Variants in MPHOSPH9 observed in about 807,000 individuals in gnomAD.
The protein encoded by MPHOSPH9 is M-phase phosphoprotein 9.
MPHOSPH9 carries 88 observed loss-of-function variants against 145.5 expected under a neutral mutation model. That is an observed-to-expected ratio of 0.60 (90% CI 0.51 to 0.72). The LOEUF is 0.72. Ranked by LOEUF, MPHOSPH9 falls within the 30% of genes least tolerant of loss-of-function variation. The pLI is 0.00. For missense variants in MPHOSPH9, 1,238 were observed against 1,386.6 expected (o/e 0.89, Z 1.70); for synonymous variants, 435 against 486.2 (o/e 0.89, Z 1.39).
At chr12:123,225,582 A>G (rs1021727298) in intron 3 of MPHOSPH9, among the ~76,000 whole-genome samples, 1 of 151,282 alleles carries the variant, frequency 6.6e-6, no homozygotes, top group Non-Finnish European at 1.5e-5. Context: ...TGGGGCAGGG[A>G]ATATATTCTG....
intron 15 of MPHOSPH9, among the ~76,000 whole-genome samples, chr12:123,177,158 G>A (rs1013876064): frequency 2.0e-5 from 3 of 151,534 alleles, no homozygotes; most frequent in Admixed American, 6.6e-5. Flanking sequence ...CCAGCCTGGC[G>A]ACAGAGTGAG....
chr12:123,233,237 C>G (rs879423728), upstream of MPHOSPH9: 1 of 152,326 alleles, frequency 6.6e-6, no homozygotes, highest in African/African-American at 2.4e-5. Flanking sequence ...GCCGTTCCCC[C>G]TCGCGCAGCT....
chr12:123,191,408 A>G (rs1487645220), intron 13 of MPHOSPH9, among the ~76,000 whole-genome samples: 1 of 152,230 alleles, frequency 6.6e-6, no homozygotes, highest in Non-Finnish European at 1.5e-5. Context: ...CTCCTGCCTC[A>G]GCACCCTGAG....
In MPHOSPH9 at chr12:123,177,825, C is replaced by T. The variant is rs1422503153; in HGVS notation, c.2355-1036G>A. On this transcript the variant is annotated intron_variant, in intron 15 of 23. Transcript: ENST00000606320. ...ACAAACAAGGAAGCAGGCTTAACTT[C>T]CAAAAACAGAACTTTTACCAAAAAA... 2.0e-5 allele frequency among the ~76,000 whole-genome samples: 3 copies of T among 150,524 alleles called. No individual in the cohort carries two copies. The Admixed American group carries it at 2.0e-4, about 10-fold the overall frequency.
intron 23 of MPHOSPH9, chr12:123,160,502 G>A (rs910767863): frequency 1.1e-5 from 4 of 363,178 alleles, no homozygotes; most frequent in Non-Finnish European, 1.5e-5. Context: ...CTGTTGAAAA[G>A]CATATTGCCA....
intron 16 of MPHOSPH9, 97 bp from the exon 17 acceptor site, chr12:123,166,886 C>CAAA: frequency 8.3e-7 from 1 of 1,202,574 alleles, no homozygotes; most frequent in South Asian, 1.8e-5. Context: ...AGTATTTACA[C>CAAA]ATTTGTACAC....
intron 8 of MPHOSPH9, among the ~76,000 whole-genome samples, chr12:123,206,166 T>C (rs2046419452): frequency 6.6e-6 from 1 of 151,714 alleles, no homozygotes. Context: ...GAGAGAGAAA[T>C]GGCCAGGCAT....
intron 15 of MPHOSPH9, among the ~76,000 whole-genome samples, chr12:123,179,716 T>TG (rs545692758): frequency 7.8e-6 from 1 of 128,764 alleles, no homozygotes; most frequent in South Asian, 2.6e-4. Flanking sequence ...CCTGTCTCTT[T>TG]AAAAAAAAAA....
rs772163785 is a variant in MPHOSPH9, at chr12:123,203,386, C to T, written c.1195-11G>A. ...ATTACTAGTATTAGACTTAAAGATACGAAACAAAATTAAATGGTGTTATCA... is the reference window on the plus strand; with the variant it reads ...ATTACTAGTATTAGACTTAAAGATATGAAACAAAATTAAATGGTGTTATCA... On this transcript the variant is annotated splice_polypyrimidine_tract_variant and intron_variant, in intron 8 of 23. Coordinates refer to ENST00000606320, the MANE Select transcript of MPHOSPH9 (RefSeq NM_022782.4). The T allele has an allele frequency of 5.8e-6, 9 of 1,563,692 alleles. No homozygotes were observed. The highest frequency in any genetic ancestry group is 1.7e-4 in the Middle Eastern group (1 of 5,884).
At position 123,202,987 on chromosome 12, in the gene MPHOSPH9, G is replaced by A; in HGVS notation, c.1418C>T (p.Ser473Phe). The change falls in exon 10 of 24, where the codon TCC (serine) becomes TTC (phenylalanine). Residue 473 changes from serine (S) to phenylalanine (F), a missense_variant. This residue lies in a region of MPHOSPH9 where 837 missense variants were observed against 897.5 expected (regional missense o/e 0.93). Coordinates refer to ENST00000606320, the MANE Select transcript of MPHOSPH9 (RefSeq NM_022782.4). ...CTCTAGAACAGAGTCCGGGGAAAAGGATATTCTGTCATCAAGGGCATTCGG... is the reference window on the plus strand; with the variant it reads ...CTCTAGAACAGAGTCCGGGGAAAAGAATATTCTGTCATCAAGGGCATTCGG... ...GLPNALDDRI[S>F]FSPDSVLEPS... The A allele has an allele frequency of 6.2e-7, 1 of 1,614,188 alleles. No individual in the cohort carries two copies. The highest frequency in any genetic ancestry group is 8.5e-7 in the Non-Finnish European group (1 of 1,180,040).
At chr12:123,222,833 G>A (rs1376661384) in intron 4 of MPHOSPH9, among the ~76,000 whole-genome samples, 3 of 152,048 alleles carry the variant, frequency 2.0e-5, no homozygotes, top group Non-Finnish European at 4.4e-5. Context: ...CTACTCGGGA[G>A]GCTGAGGTAG....
At chr12:123,206,328 T>A (rs2046430002) in intron 8 of MPHOSPH9, among the ~76,000 whole-genome samples, 1 of 150,976 alleles carries the variant, frequency 6.6e-6, no homozygotes, top group Non-Finnish European at 1.5e-5. Context: ...CAGGTGTGGT[T>A]GCACATGACT....
chr12:123,157,979 T>G (rs1383028327), intron 23 of MPHOSPH9, among the ~76,000 whole-genome samples: 1 of 151,832 alleles, frequency 6.6e-6, no homozygotes, highest in African/African-American at 2.4e-5. Flanking sequence ...CATACCACTT[T>G]TATTTTATTT....
At chr12:123,169,036 C>T (rs918367661) in intron 16 of MPHOSPH9, among the ~76,000 whole-genome samples, 4 of 151,814 alleles carry the variant, frequency 2.6e-5, no homozygotes, top group Admixed American at 2.0e-4. Flanking sequence ...AGGCGCCCAC[C>T]ACCACGCCCG....
At position 123,202,451 on chromosome 12, in the gene MPHOSPH9, A is replaced by G. The variant is rs1435265153; in HGVS notation, c.1782-132T>C. 1.3e-5 allele frequency: 15 copies of G among 1,191,626 alleles called. No homozygotes were observed. The South Asian group carries it at 1.4e-4, about 11-fold the overall frequency. 73.8% of individuals were successfully genotyped at this position (1,191,626 alleles called of 1,614,324 possible). A position where few individuals can be genotyped will look rare whatever the true frequency, so the allele number is the denominator to read the frequency against. On this transcript the variant is annotated intron_variant, in intron 10 of 23. Transcript: ENST00000606320. ...ATTTCCTTTGCATACTACAAAATAT[A>G]TAGATTAATACACAAAAAGTTAACA... is the stretch of plus-strand genomic sequence containing the variant.
intron 1 of MPHOSPH9, among the ~76,000 whole-genome samples, chr12:123,232,332 GAAGT>G (rs1280965719): frequency 6.6e-6 from 1 of 151,998 alleles, no homozygotes. Flanking sequence ...GGAGGGCAGG[GAAGT>G]AAGAGGGAAA....
rs752678338 is a variant in MPHOSPH9 at position 123,202,932 on chromosome 12, G to C, written c.1473C>G (p.Asp491Glu). The change falls in exon 10 of 24, where the codon GAC becomes GAG. Residue 491 changes from aspartate to glutamate, a missense_variant. By Grantham distance (45) the Asp-to-Glu change is conservative (BLOSUM62 2). Around this residue, in one of 3 missense-constraint regions of MPHOSPH9, gnomAD observed 837 missense variants for 897.5 expected, o/e 0.93. Coordinates refer to ENST00000606320, the MANE Select transcript of MPHOSPH9 (RefSeq NM_022782.4). ...TGACATTACTTGCTTGTGAAAATGA[G>C]TCTATGTCAGAGGGACTAGACATAC... ...EPSMSSPSDI[D>E]SFSQASNVTS... The C allele has an allele frequency of 6.2e-7, 1 of 1,614,154 alleles. No individual in the cohort carries two copies. Among genetic ancestry groups the C allele is most frequent in the Non-Finnish European group, 8.5e-7 (1 of 1,180,020 alleles).
intron 6 of MPHOSPH9, among the ~76,000 whole-genome samples, chr12:123,217,961 C>T (rs533811550): frequency 9.6e-4 from 146 of 151,324 alleles, no homozygotes; most frequent in Non-Finnish European, 1.8e-3. Context: ...AGGAGAATGG[C>T]GTGAACCCGG....
At chr12:123,237,399 T>C (rs966754233), upstream of MPHOSPH9, among the ~76,000 whole-genome samples, 2 of 152,182 alleles carry the variant, frequency 1.3e-5, no homozygotes, top group Non-Finnish European at 2.9e-5. Flanking sequence ...CATTGCACTC[T>C]AGCCTGGGTG....
Sources: gnomAD v4.1 joint callset for allele counts (sites outside exome capture counted in the v4.1 genomes callset) on GRCh38, gnomAD v4.1.1 for gene constraint, gnomAD v4.1.1 regional missense constraint, MANE v1.5 for transcripts, NCBI Gene and HGNC (gene_info 2026-07-23, HGNC 2026-07-21) for gene names.